CYTIP: variants seen among roughly 807,000 people sequenced by gnomAD.
CYTIP encodes the protein cytohesin-interacting protein.
Under a neutral mutation model 43.8 loss-of-function variants are expected in CYTIP, and 26 were observed. The ratio of observed to expected loss-of-function variants is 0.59; its 90% CI spans 0.44 to 0.82. The LOEUF is 0.82. CYTIP is among the 40% of genes least tolerant of loss of function. The pLI is 0.00. For missense variants in CYTIP, 426 were observed against 443.1 expected (o/e 0.96, Z 0.35); for synonymous variants, 162 against 162.9 (o/e 0.99, Z 0.04).
chr2:157,417,606 C>A lies in CYTIP; in HGVS notation c.613+917G>T, dbSNP rs1685456990. Among the ~76,000 whole-genome samples the A allele has an allele frequency of 2.0e-5, 3 of 151,508 alleles. No individual in the cohort carries two copies. In the South Asian group the frequency reaches 6.3e-4, roughly 32 times the overall value. On this transcript the variant is annotated intron_variant, in intron 7 of 7. Coordinates refer to ENST00000264192, the MANE Select transcript of CYTIP (RefSeq NM_004288.5). ...CTGCCTCTCTAACAAACTTCACTAC[C>A]CAAAAGAACTATTATGAATTTTTTA...
At chr2:157,437,018 A>G (rs1041690410) in intron 1 of CYTIP, among the ~76,000 whole-genome samples, 1 of 152,184 alleles carries the variant, frequency 6.6e-6, no homozygotes, top group African/African-American at 2.4e-5. Flanking sequence ...TGCAGAAGAA[A>G]GAAACTAGAC....
chr2:157,422,740 G>A (rs1685541812), intron 6 of CYTIP, among the ~76,000 whole-genome samples: 1 of 150,354 alleles, frequency 6.7e-6, no homozygotes, highest in African/African-American at 2.4e-5. Context: ...TCCTCTGAGA[G>A]ATATAATCCT....
rs1685759613 is a variant in CYTIP, at chr2:157,434,356, T to C, written c.279+14A>G. 7 of 1,608,016 alleles carry C rather than the reference T, an allele frequency of 4.4e-6. No homozygotes were observed. The highest frequency in any genetic ancestry group is 1.6e-4 in the Middle Eastern group (1 of 6,068). On this transcript the variant is annotated intron_variant, in intron 3 of 7. Coordinates refer to ENST00000264192, the MANE Select transcript of CYTIP (RefSeq NM_004288.5). ...TTCTTCCTTGGAAGTCTAGAAAATG[T>C]GAAAATTGCCCACCTGAATTTCAAA...
At chr2:157,434,095 A>C in intron 3 of CYTIP, 1 of 491,698 alleles carries the variant, frequency 2.0e-6, no homozygotes, top group South Asian at 2.6e-5. Context: ...AGCTGATACC[A>C]ACCTAGCTGA....
At chr2:157,426,976 G>A (rs148477089) in intron 6 of CYTIP, among the ~76,000 whole-genome samples, 3,283 of 152,208 alleles carry the variant, frequency 0.022, 89 homozygotes, top group Admixed American at 0.076. Context: ...AAGAGGACAC[G>A]GAAAAAGTGA....
Position 157,427,388 on chromosome 2 carries a change from T to A in CYTIP, c.509A>T (p.Lys170Ile). Reference sequence around the variant, plus strand: ...CAGCTTTGCTTCAAGCTCCGTTCTTTTCAGAATCATTGTTCCATTAAGAGT... The same window carrying A: ...CAGCTTTGCTTCAAGCTCCGTTCTTATCAGAATCATTGTTCCATTAAGAGT... ...IETLNGTMIL[K>I]RTELEAKLQV... is the part of the protein sequence containing the mutation. The change falls in exon 6 of 8, where the codon AAA becomes ATA. Residue 170 changes from lysine (K) to isoleucine (I), a missense_variant. Transcript: ENST00000264192. The A allele has an allele frequency of 6.2e-7, 1 of 1,609,916 alleles. No homozygotes were observed.
chr2:157,438,271 G>T (rs747819768), intron 1 of CYTIP, among the ~76,000 whole-genome samples: 5 of 152,138 alleles, frequency 3.3e-5, no homozygotes, highest in Non-Finnish European at 5.9e-5. Context: ...GATAAGCCAG[G>T]AATAGAAAGT....
chr2:157,419,239 C>T (rs1297033525), intron 6 of CYTIP, among the ~76,000 whole-genome samples: 1 of 152,180 alleles, frequency 6.6e-6, no homozygotes, highest in Non-Finnish European at 1.5e-5. Context: ...ACCTCGTGAT[C>T]TGCCTACCTC....
chr2:157,444,002 G>C lies in CYTIP; in HGVS notation c.19C>G (p.Leu7Val). Residue 7 changes from leucine (L) to valine (V), a missense_variant, in exon 1 of 8, where the codon CTG becomes GTG. Coordinates refer to ENST00000264192, the MANE Select transcript of CYTIP (RefSeq NM_004288.5). MSLQRL[L>V]QHSSNGNLAD... ...AAATTGCCATTGCTGCTGTGTTGCA[G>C]GAGCCTTTGTAAAGACATTGTGAAT... 1.9e-6 allele frequency: 3 copies of C among 1,613,998 alleles called. No individual in the cohort carries two copies. Among genetic ancestry groups the C allele is most frequent in the Non-Finnish European group, 2.5e-6 (3 of 1,179,916 alleles).
chr2:157,429,822 G>A (rs1573858549), intron 5 of CYTIP, among the ~76,000 whole-genome samples: 1 of 151,968 alleles, frequency 6.6e-6, no homozygotes, highest in Non-Finnish European at 1.5e-5. Flanking sequence ...AGGAGATTGA[G>A]ACCATCCTGG....
At chr2:157,425,327 T>C (rs1685585478) in intron 6 of CYTIP, among the ~76,000 whole-genome samples, 1 of 152,108 alleles carries the variant, frequency 6.6e-6, no homozygotes, top group South Asian at 2.1e-4. Context: ...TAAGTAAACC[T>C]AGAGGTAAGG....
intron 6 of CYTIP, among the ~76,000 whole-genome samples, chr2:157,422,513 A>ACAAAAAGTAAG (rs969832386): frequency 6.6e-6 from 1 of 151,986 alleles, no homozygotes; most frequent in African/African-American, 2.4e-5. Context: ...TACTAAAAAT[A>ACAAAAAGTAAG]CAAAAAGTTA....
intron 5 of CYTIP, among the ~76,000 whole-genome samples, chr2:157,428,325 A>G (rs1158969746): frequency 1.3e-5 from 2 of 152,248 alleles, no homozygotes; most frequent in African/African-American, 4.8e-5. Flanking sequence ...TTTTCAAGGC[A>G]TGGTAAAAGC....
At chr2:157,430,997 AAC>A (rs1202274290) in intron 3 of CYTIP, 35 bp from the exon 4 acceptor site, 1 of 1,529,562 alleles carries the variant, frequency 6.5e-7, no homozygotes, top group Non-Finnish European at 8.9e-7. Context: ...GTTACTATTT[AAC>A]AACCTCAACA....
intron 6 of CYTIP, among the ~76,000 whole-genome samples, chr2:157,425,750 A>T (rs1369936349): frequency 2.0e-5 from 3 of 152,174 alleles, no homozygotes; most frequent in Non-Finnish European, 4.4e-5. Context: ...TTTTAAAAAG[A>T]TGTTCACTAA....
At chr2:157,441,823 T>C (rs1685924057) in intron 1 of CYTIP, among the ~76,000 whole-genome samples, 1 of 152,146 alleles carries the variant, frequency 6.6e-6, no homozygotes, top group African/African-American at 2.4e-5. Flanking sequence ...ATTTCCTCTT[T>C]CTCCAACTAC....
intron 6 of CYTIP, among the ~76,000 whole-genome samples, chr2:157,419,101 C>A (rs1230805138): frequency 6.6e-6 from 1 of 152,100 alleles, no homozygotes; most frequent in Non-Finnish European, 1.5e-5. Context: ...CGGGTTCAAG[C>A]AATTCTTCTG....
intron 6 of CYTIP, among the ~76,000 whole-genome samples, 181 bp downstream of exon 6, chr2:157,427,170 C>G (rs1225977247): frequency 6.6e-6 from 1 of 152,172 alleles, no homozygotes; most frequent in Non-Finnish European, 1.5e-5. Context: ...GTGATTTACA[C>G]TGGTTTGCAG....
Position 157,415,924 on chromosome 2 carries a change from G to T in CYTIP, c.833C>A (p.Thr278Lys). The change falls in exon 8 of 8, where the codon ACG becomes AAG. Residue 278 changes from threonine to lysine, a missense_variant. Physicochemically the swap from Thr to Lys is moderately conservative, Grantham distance 78 (BLOSUM62 -1). Transcript: ENST00000264192. ...DSSRGAFSRQ[T>K]STDDECFIPK... ...GATAAAGCACTCATCATCTGTACTCGTCTGCCGACTGAAGGCACCCCTGCT... is the reference window on the plus strand; with the variant it reads ...GATAAAGCACTCATCATCTGTACTCTTCTGCCGACTGAAGGCACCCCTGCT... 1.2e-6 allele frequency: 2 copies of T among 1,614,128 alleles called. No homozygotes were observed. The highest frequency in any genetic ancestry group is 1.7e-6 in the Non-Finnish European group (2 of 1,180,012).
Sources: allele counts gnomAD v4.1 joint callset (sites outside exome capture counted in the v4.1 genomes callset), GRCh38; gene constraint gnomAD v4.1.1; transcripts MANE v1.5; gene names NCBI Gene and HGNC (gene_info 2026-07-23, HGNC 2026-07-21).